PIEZO2: variants seen among roughly 807,000 people sequenced by gnomAD.
PIEZO2 encodes piezo type mechanosensitive ion channel component 2, also known as piezo-type mechanosensitive ion channel component 2.
A neutral mutation model predicts 337.3 loss-of-function variants in PIEZO2; 172 were observed. The ratio of observed to expected loss-of-function variants is 0.51; its 90% CI spans 0.45 to 0.58. The LOEUF is 0.58. Among genes scored for constraint, PIEZO2 ranks in the 20% least tolerant of loss-of-function variants. The pLI is 0.00. For synonymous variants in PIEZO2, 1,251 were observed against 1,228.5 expected, an observed-to-expected ratio of 1.02 and a Z score of -0.38; for missense variants, 3,028 against 3,391.3, an observed-to-expected ratio of 0.89 and a Z score of 2.66.
intron 24 of PIEZO2, among the ~76,000 whole-genome samples, chr18:10,760,315 T>A (rs1245851344): frequency 6.6e-6 from 1 of 152,202 alleles, no homozygotes; most frequent in Non-Finnish European, 1.5e-5. Flanking sequence ...TTATTATTTA[T>A]TTATTTTGAG....
intron 1 of PIEZO2, among the ~76,000 whole-genome samples, chr18:11,147,724 A>C (rs1273153846): frequency 1.3e-5 from 2 of 152,060 alleles, no homozygotes; most frequent in Non-Finnish European, 2.9e-5. Context: ...AAACGGTCCG[A>C]CTCCCAGAAC....
chr18:10,715,824 G>C lies in PIEZO2; in HGVS notation c.5090-8C>G. On this transcript the variant is annotated splice_region_variant and splice_polypyrimidine_tract_variant and intron_variant, in intron 37 of 55. Transcript: ENST00000674853. The stretch of plus-strand genomic sequence containing the variant: ...TCCTCTTGATGATATTATCTAGGAG[G>C]AAGAAAGGCAACAAGATGTTAAAGG... The C allele has an allele frequency of 6.6e-7, 1 of 1,511,080 alleles. No homozygotes were observed. The highest frequency in any genetic ancestry group is 1.2e-5 in the South Asian group (1 of 80,726). 93.6% of individuals were successfully genotyped at this position (1,511,080 alleles called of 1,614,324 possible).
chr18:10,834,302 C>T lies in PIEZO2; in HGVS notation c.917+21051G>A, dbSNP rs953780918. Among the ~76,000 whole-genome samples, 2 of 152,068 alleles carry T rather than the reference C, an allele frequency of 1.3e-5. No individual in the cohort carries two copies. The highest frequency in any genetic ancestry group is 2.9e-5 in the Non-Finnish European group (2 of 68,014). On this transcript the variant is annotated intron_variant, in intron 7 of 55. Transcript: ENST00000674853. This position sits in a 1 kb window ranked among gnomAD's most constrained non-coding sequence, Gnocchi z 4.5. ...CTATCCTGTGACTTGGAGCAAATCA[C>T]TTATCTACACCTCAATTTTCCTGTC...
chr18:10,941,881 T>C (rs2032742927), intron 3 of PIEZO2, among the ~76,000 whole-genome samples: 1 of 152,194 alleles, frequency 6.6e-6, no homozygotes, highest in African/African-American at 2.4e-5. Context: ...TCCCACATGT[T>C]GTGGGAGGGA....
chr18:10,742,671 G>T (rs998585172), intron 31 of PIEZO2, 56 bp from the exon 32 acceptor site: 11 of 1,522,848 alleles, frequency 7.2e-6, no homozygotes, highest in Non-Finnish European at 9.7e-6. Flanking sequence ...TTCTCATGTG[G>T]TCAGTACTTT....
intron 4 of PIEZO2, chr18:10,908,278 T>A (rs1352476363): frequency 6.6e-6 from 1 of 152,270 alleles, no homozygotes; most frequent in East Asian, 1.9e-4. Flanking sequence ...TTGCTTTTTT[T>A]ATTCTTGGAG....
intron 7 of PIEZO2, among the ~76,000 whole-genome samples, chr18:10,851,716 C>G (rs1306674149): frequency 6.6e-6 from 1 of 152,108 alleles, no homozygotes; most frequent in Non-Finnish European, 1.5e-5. Flanking sequence ...ATATGAAATG[C>G]AAATTTGTAT....
chr18:10,856,212 A>G lies in PIEZO2; in HGVS notation c.704-646T>C, dbSNP rs576391280. ...CTGCTCCTGGCCAATAACTCCTTTA[A>G]AAGTGTTTTTAAGGAATCATAAATA... is the stretch of plus-strand genomic sequence containing the variant. On this transcript the variant is annotated intron_variant, in intron 6 of 55. Coordinates refer to ENST00000674853, the MANE Select transcript of PIEZO2 (RefSeq NM_001378183.1). This position sits in a 1 kb window ranked among gnomAD's most constrained non-coding sequence, Gnocchi z 4.7. Among the ~76,000 whole-genome samples, 7 of 152,284 alleles carry G rather than the reference A, an allele frequency of 4.6e-5. No homozygotes were observed. Among genetic ancestry groups the G allele is most frequent in the African/African-American group, 1.7e-4 (7 of 41,572 alleles).
rs1244177645 is a variant in PIEZO2 at position 11,126,909 on chromosome 18, T to A, written c.64+21616A>T. Among the ~76,000 whole-genome samples the A allele has an allele frequency of 6.6e-6, 1 of 152,172 alleles. No individual in the cohort carries two copies. The highest frequency in any genetic ancestry group is 2.4e-5 in the African/African-American group (1 of 41,436). On this transcript the variant is annotated intron_variant, in intron 1 of 55. Coordinates refer to ENST00000674853, the MANE Select transcript of PIEZO2 (RefSeq NM_001378183.1). This position sits in a 1 kb window ranked among gnomAD's most constrained non-coding sequence, Gnocchi z 4.6. ...GAATGAATGAACACACTGGTGTCAT[T>A]TCCATTGCTGTTGTGTGAACATTTA...
rs1335604485 is a variant in PIEZO2, at chr18:11,027,926, G to T, written c.160+38201C>A. ...TGTTAAATATACTAGAAGAGCCTTC[G>T]TAGAGTACTCTTTGATAAATTCTTC... On this transcript the variant is annotated intron_variant, in intron 2 of 55. Coordinates refer to ENST00000674853, the MANE Select transcript of PIEZO2 (RefSeq NM_001378183.1). The surrounding 1 kb of genome is among the most constrained non-coding windows in gnomAD (Gnocchi z 4.2). Among the ~76,000 whole-genome samples, 1 of 152,196 alleles carries T rather than the reference G, an allele frequency of 6.6e-6. No homozygotes were observed. The highest frequency in any genetic ancestry group is 1.5e-5 in the Non-Finnish European group (1 of 68,040).
chr18:10,904,907 G>C (rs2043137688), intron 4 of PIEZO2, among the ~76,000 whole-genome samples: 1 of 152,222 alleles, frequency 6.6e-6, no homozygotes, highest in South Asian at 2.1e-4. Flanking sequence ...CATAGTGTAA[G>C]TATTTGATAA....
chr18:10,757,355 G>C (rs1330175401), intron 27 of PIEZO2, among the ~76,000 whole-genome samples: 1 of 149,300 alleles, frequency 6.7e-6, no homozygotes, highest in South Asian at 2.2e-4. Flanking sequence ...GGAATGGAGG[G>C]TGATGAGGAG....
rs1052213053 is a variant in PIEZO2 at position 10,850,203 on chromosome 18, C to T, written c.917+5150G>A. Among the ~76,000 whole-genome samples the T allele has an allele frequency of 2.0e-5, 3 of 152,200 alleles. No individual in the cohort carries two copies. The highest frequency in any genetic ancestry group is 7.2e-5 in the African/African-American group (3 of 41,452). On this transcript the variant is annotated intron_variant, in intron 7 of 55. Transcript: ENST00000674853. This position sits in a 1 kb window ranked among gnomAD's most constrained non-coding sequence, Gnocchi z 4.5. ...TAAAAGTAATGCAAAAACTCAACCA[C>T]ATGTGCAGATGAAACTGGAAGGAAG...
chr18:10,671,808 T>A, intron 55 of PIEZO2, 29 bp from the exon 56 acceptor site: 2 of 1,562,492 alleles, frequency 1.3e-6, no homozygotes, highest in South Asian at 2.4e-5. Context: ...AGAAATTGCA[T>A]ACAGCAGTTA....
At chr18:10,694,978 G>A (rs1036888509) in intron 47 of PIEZO2, among the ~76,000 whole-genome samples, 2 of 152,238 alleles carry the variant, frequency 1.3e-5, no homozygotes, top group Non-Finnish European at 2.9e-5. Context: ...GGCCAGTGAC[G>A]AAGAGTTATA....
Position 10,714,478 on chromosome 18 carries a change from AG to A in PIEZO2, c.5423+285del, listed in dbSNP as rs138573070. Among the ~76,000 whole-genome samples, 5,859 of 152,224 alleles carry A rather than the reference AG, an allele frequency of 0.038. 195 individuals carry two copies. The highest frequency in any genetic ancestry group is 0.1 in the Admixed American group (1,537 of 15,286). On this transcript the variant is annotated intron_variant, in intron 39 of 55. Transcript: ENST00000674853. Reference sequence around the variant, plus strand: ...CACAAATAATAACTTTGGGGTTGGGAGGGATCATTCTTCCTTGCCTCCAGCC... The same window carrying A: ...CACAAATAATAACTTTGGGGTTGGGAGGATCATTCTTCCTTGCCTCCAGCC...
intron 4 of PIEZO2, among the ~76,000 whole-genome samples, chr18:10,896,746 A>G (rs2042912132): frequency 6.6e-6 from 1 of 152,170 alleles, no homozygotes; most frequent in Non-Finnish European, 1.5e-5. Context: ...ATGGCTCACA[A>G]ATTCAGGATG....
intron 1 of PIEZO2, among the ~76,000 whole-genome samples, chr18:11,140,054 A>G (rs770228318): frequency 9.9e-5 from 15 of 152,156 alleles, no homozygotes; most frequent in Non-Finnish European, 1.8e-4. Flanking sequence ...CTGGGATCCA[A>G]CCATCCCCAA....
chr18:10,788,065 C>T lies in PIEZO2; in HGVS notation c.2170-881G>A, dbSNP rs528661376. Among the ~76,000 whole-genome samples the T allele has an allele frequency of 4.4e-4, 67 of 152,240 alleles. 1 individual carries two copies. Among genetic ancestry groups the T allele is most frequent in the African/African-American group, 1.5e-3 (61 of 41,548 alleles). ...AAGTATACCTAGGAATACTCTACGA[C>T]TTCAGATTATCCAGCTTTTAAATTA... On this transcript the variant is annotated intron_variant, in intron 15 of 55. Coordinates refer to ENST00000674853, the MANE Select transcript of PIEZO2 (RefSeq NM_001378183.1).
Sources: allele counts gnomAD v4.1 joint callset (sites outside exome capture counted in the v4.1 genomes callset), GRCh38; gene constraint gnomAD v4.1.1; non-coding constraint Gnocchi (gnomAD v3.1); transcripts MANE v1.5; gene names NCBI Gene and HGNC (gene_info 2026-07-23, HGNC 2026-07-21).